The following SEC22A variants were observed in gnomAD, a reference collection of about 807,000 sequenced individuals.
SEC22A encodes the protein SEC22 homolog A, vesicle trafficking protein.
SEC22A carries 22 observed loss-of-function variants against 35.3 expected under a neutral mutation model. The observed-to-expected ratio is 0.62, with a 90% CI of 0.45 to 0.89. SEC22A has a LOEUF of 0.89. SEC22A is among the 40% of genes least tolerant of loss of function. SEC22A has a pLI of 0.00. For synonymous variants in SEC22A, 119 were observed against 129.5 expected, an observed-to-expected ratio of 0.92 and a Z score of 0.55; for missense variants, 354 against 362.5, an observed-to-expected ratio of 0.98 and a Z score of 0.19.
At position 123,221,512 on chromosome 3, in the gene SEC22A, G is replaced by T. The variant is rs138881971; in HGVS notation, c.183-2047G>T. Among the ~76,000 whole-genome samples, 836 of 146,778 alleles carry T rather than the reference G, an allele frequency of 5.7e-3. 8 individuals are homozygous for T. The highest frequency in any genetic ancestry group is 0.019 in the African/African-American group (770 of 39,618). Reference sequence around the variant, plus strand: ...AAAAAAAAGATTACTGTGTAGTTTAGCAGAGTCCAGCATAGGAGTGGTGAA... The same window carrying T: ...AAAAAAAAGATTACTGTGTAGTTTATCAGAGTCCAGCATAGGAGTGGTGAA... On this transcript the variant is annotated intron_variant, in intron 2 of 6. Transcript: ENST00000492595.
chr3:123,259,977 C>A (rs1414851633), intron 6 of SEC22A, among the ~76,000 whole-genome samples: 1 of 151,656 alleles, frequency 6.6e-6, no homozygotes, highest in Non-Finnish European at 1.5e-5. Context: ...ACTAAAAATA[C>A]AAAAATTAGC....
chr3:123,257,876 C>T (rs1355558831), intron 5 of SEC22A, among the ~76,000 whole-genome samples: 1 of 151,306 alleles, frequency 6.6e-6, no homozygotes, highest in African/African-American at 2.4e-5. Flanking sequence ...CCTGTAGTCC[C>T]AACTATTCTG....
intron 6 of SEC22A, among the ~76,000 whole-genome samples, chr3:123,269,492 G>T (rs78032243): frequency 1.3e-5 from 2 of 151,736 alleles, no homozygotes; most frequent in African/African-American, 4.8e-5. Context: ...CATGTATTGC[G>T]TATCACCTCT....
intron 2 of SEC22A, among the ~76,000 whole-genome samples, chr3:123,211,134 A>C (rs1239354531): frequency 6.6e-6 from 1 of 152,218 alleles, no homozygotes; most frequent in East Asian, 1.9e-4. Context: ...GTGAGTGGAC[A>C]GTCCAAGAGG....
intron 5 of SEC22A, among the ~76,000 whole-genome samples, chr3:123,249,340 G>A (rs149064824): frequency 8.6e-5 from 13 of 152,040 alleles, no homozygotes; most frequent in Admixed American, 6.6e-4. Context: ...TCCCCTCCCC[G>A]GAGGGTGGGA....
intron 2 of SEC22A, among the ~76,000 whole-genome samples, chr3:123,211,386 A>G (rs1020913140): frequency 5.3e-5 from 8 of 152,166 alleles, no homozygotes; most frequent in African/African-American, 1.7e-4. Context: ...TGTTGGTGTC[A>G]TTGCCAGAAA....
chr3:123,220,171 G>A (rs1937094936), intron 2 of SEC22A, among the ~76,000 whole-genome samples: 1 of 152,190 alleles, frequency 6.6e-6, no homozygotes, highest in Admixed American at 6.5e-5. Flanking sequence ...GTAGGTGTCT[G>A]TGGCTGACTC....
At chr3:123,237,255 A>G (rs1937439107) in intron 4 of SEC22A, among the ~76,000 whole-genome samples, 1 of 152,240 alleles carries the variant, frequency 6.6e-6, no homozygotes, top group South Asian at 2.1e-4. Flanking sequence ...AAATATACTG[A>G]TATCTTTATC....
chr3:123,260,859 G>C (rs1346271828), intron 6 of SEC22A, among the ~76,000 whole-genome samples: 1 of 138,642 alleles, frequency 7.2e-6, no homozygotes, highest in African/African-American at 2.8e-5. Context: ...TTTTTTTGAC[G>C]GAGTCTCGCT....
At chr3:123,223,128 A>C (rs1937158530) in intron 2 of SEC22A, among the ~76,000 whole-genome samples, 1 of 152,196 alleles carries the variant, frequency 6.6e-6, no homozygotes. Context: ...ATCACCTTGA[A>C]ATTGTGTGCA....
intron 2 of SEC22A, among the ~76,000 whole-genome samples, chr3:123,218,342 C>T (rs745901160): frequency 1.1e-4 from 16 of 152,070 alleles, no homozygotes; most frequent in Non-Finnish European, 2.2e-4. Flanking sequence ...CCACTGGCAC[C>T]AAAGCCCAGA....
intron 2 of SEC22A, among the ~76,000 whole-genome samples, chr3:123,214,375 A>G (rs1232596874): frequency 1.3e-5 from 2 of 152,216 alleles, no homozygotes; most frequent in African/African-American, 4.8e-5. Context: ...TTCCTTGTGC[A>G]TGTCGTAGTA....
At chr3:123,207,228 T>C (rs1420823951) in intron 1 of SEC22A, among the ~76,000 whole-genome samples, 1 of 152,196 alleles carries the variant, frequency 6.6e-6, no homozygotes, top group Non-Finnish European at 1.5e-5. Flanking sequence ...AGATCAGTTA[T>C]CACCATGAAT....
intron 2 of SEC22A, among the ~76,000 whole-genome samples, chr3:123,211,606 A>G (rs769401827): frequency 6.6e-6 from 1 of 152,064 alleles, no homozygotes; most frequent in Non-Finnish European, 1.5e-5. Flanking sequence ...CTACAGGTGC[A>G]CACCACCACA....
In SEC22A at chr3:123,271,565, CTT is replaced by C. The variant is rs1449899896; in HGVS notation, c.772_773del (p.Leu258AspfsTer14). ...TACACCGGCTGGCGGAATGTCAAAT[CTT>C]TTTTGACTTTTGGCTTAATCTGTCT... On this transcript the variant is annotated frameshift_variant, in exon 7 of 7. Coordinates refer to ENST00000492595, the MANE Select transcript of SEC22A (RefSeq NM_012430.5). LOFTEE classifies it high-confidence loss of function. 1 of 1,614,034 alleles carries C rather than the reference CTT, an allele frequency of 6.2e-7. No individual in the cohort carries two copies. The highest frequency in any genetic ancestry group is 8.5e-7 in the Non-Finnish European group (1 of 1,180,000).
intron 4 of SEC22A, among the ~76,000 whole-genome samples, chr3:123,244,452 G>A (rs1038364767): frequency 3.9e-5 from 6 of 152,096 alleles, no homozygotes; most frequent in East Asian, 1.9e-4. Context: ...TTTTTAAATC[G>A]TGAATTTTTT....
chr3:123,236,852 G>C lies in SEC22A; in HGVS notation c.542-9047G>C, dbSNP rs1005334801. Among the ~76,000 whole-genome samples, 3 of 151,786 alleles carry C rather than the reference G, an allele frequency of 2.0e-5. No homozygotes were observed. In the East Asian group the frequency reaches 5.8e-4, roughly 29 times the overall value. On this transcript the variant is annotated intron_variant, in intron 4 of 6. Transcript: ENST00000492595. ...ACGCACACATATGCACGATCTGATA[G>C]AAACAATGAAAGCCAGAAGACAACT... is the stretch of plus-strand genomic sequence containing the variant.
chr3:123,209,566 T>C (rs1475648673), intron 2 of SEC22A, among the ~76,000 whole-genome samples, 167 bp downstream of exon 2: 2 of 152,252 alleles, frequency 1.3e-5, no homozygotes, highest in African/African-American at 4.8e-5. Context: ...GCAGCCTTTT[T>C]GTAGTTTCTT....
At position 123,223,540 on chromosome 3, in the gene SEC22A, A is replaced by G. The variant is rs1446381802; in HGVS notation, c.183-19A>G. On this transcript the variant is annotated intron_variant, in intron 2 of 6. Coordinates refer to ENST00000492595, the MANE Select transcript of SEC22A (RefSeq NM_012430.5). ...TGATTTAATTTGAAATTTTAAAACCAATGTTTTTTACACTGTAGTTTTATT... is the reference window on the plus strand; with the variant it reads ...TGATTTAATTTGAAATTTTAAAACCGATGTTTTTTACACTGTAGTTTTATT... The G allele has an allele frequency of 1.2e-6, 2 of 1,604,818 alleles. No homozygotes were observed. The highest frequency in any genetic ancestry group is 1.7e-6 in the Non-Finnish European group (2 of 1,173,574).
Sources: allele counts gnomAD v4.1 joint callset (sites outside exome capture counted in the v4.1 genomes callset), GRCh38; gene constraint gnomAD v4.1.1; transcripts MANE v1.5; gene names NCBI Gene and HGNC (gene_info 2026-07-23, HGNC 2026-07-21).